RARB: variants seen among roughly 807,000 people sequenced by gnomAD.
The protein encoded by RARB is retinoic acid receptor beta, also known as HBV-activated protein.
RARB carries 17 observed loss-of-function variants against 51.9 expected under a neutral mutation model. The ratio of observed to expected loss-of-function variants is 0.33; its 90% CI spans 0.22 to 0.49. RARB has a LOEUF of 0.49. Among genes scored for constraint, RARB ranks in the 20% least tolerant of loss-of-function variants. The pLI is 0.99. For synonymous variants in RARB, 215 were observed against 195.4 expected (o/e 1.10, Z -0.84); for missense variants, 369 against 550.8 (o/e 0.67, Z 3.30).
chr3:25,192,455 T>G (rs1701127028), intron 5 of RARB, among the ~76,000 whole-genome samples: 1 of 152,126 alleles, frequency 6.6e-6, no homozygotes, highest in African/African-American at 2.4e-5. Flanking sequence ...ACACTATAAG[T>G]GAACTTTTAA....
At chr3:25,172,799 G>C (rs1436254) in intron 4 of RARB, among the ~76,000 whole-genome samples, 2,087 of 152,198 alleles carry the variant, frequency 0.014, 47 homozygotes, top group African/African-American at 0.048. Context: ...TATTTACCTA[G>C]TGTTTACTAT....
chr3:25,001,697 G>T (rs1388007182), intron 2 of RARB, among the ~76,000 whole-genome samples: 1 of 152,162 alleles, frequency 6.6e-6, no homozygotes, highest in East Asian at 1.9e-4. Flanking sequence ...GCGAAATGTT[G>T]ATAAATATTG....
intron 2 of RARB, among the ~76,000 whole-genome samples, chr3:24,902,407 T>C (rs1703627039): frequency 6.6e-6 from 1 of 151,960 alleles, no homozygotes; most frequent in Non-Finnish European, 1.5e-5. Context: ...ACCAGGTTTT[T>C]TTTTCCCACT....
At chr3:25,002,183 T>G (rs1697175333) in intron 2 of RARB, among the ~76,000 whole-genome samples, 1 of 152,116 alleles carries the variant, frequency 6.6e-6, no homozygotes. Context: ...CACTTAACAT[T>G]TATTGGGCAC....
At chr3:25,019,532 G>T (rs1425346437) in intron 2 of RARB, among the ~76,000 whole-genome samples, 1 of 151,824 alleles carries the variant, frequency 6.6e-6, no homozygotes, top group Non-Finnish European at 1.5e-5. Flanking sequence ...ATTCTTTGTA[G>T]CTCAAGGTTC....
intron 4 of RARB, among the ~76,000 whole-genome samples, chr3:25,165,570 G>A (rs1700548614): frequency 6.6e-6 from 1 of 152,104 alleles, no homozygotes. Flanking sequence ...CTTGGCTTGG[G>A]AGGATTCCAT....
intron 5 of RARB, among the ~76,000 whole-genome samples, chr3:25,215,467 T>A (rs920173537): frequency 5.3e-5 from 8 of 152,184 alleles, no homozygotes; most frequent in Admixed American, 2.6e-4. Context: ...ATTCACATAG[T>A]TGTGAATATG....
chr3:24,906,887 C>T (rs1024110143), intron 2 of RARB, among the ~76,000 whole-genome samples: 2 of 144,614 alleles, frequency 1.4e-5, no homozygotes, highest in Admixed American at 1.4e-4. Flanking sequence ...CCCCACTAAT[C>T]ATATGAGTCA....
At chr3:25,589,819 A>G (rs1359916863) in intron 5 of RARB, among the ~76,000 whole-genome samples, 1 of 152,160 alleles carries the variant, frequency 6.6e-6, no homozygotes, top group Non-Finnish European at 1.5e-5. Flanking sequence ...GGCCTAGGCT[A>G]TTTTTACCCA....
intron 5 of RARB, among the ~76,000 whole-genome samples, chr3:25,341,868 C>A (rs1705238298): frequency 6.6e-6 from 1 of 152,036 alleles, no homozygotes; most frequent in African/African-American, 2.4e-5. Context: ...TTTCCTGACA[C>A]ACCTCAAACT....
intron 5 of RARB, among the ~76,000 whole-genome samples, chr3:25,342,806 C>G (rs372218531): frequency 2.6e-5 from 4 of 152,090 alleles, no homozygotes; most frequent in African/African-American, 9.7e-5. Flanking sequence ...GTAGGTAGCA[C>G]AGCTTGGCCT....
rs1279890116 is a variant in RARB, at chr3:25,428,304, G to A, written c.-428G>A. ...GAAGTGAGCTGTTCAGAGGCAGGAG[G>A]GTCTATTCTTTGCCAAAGGGGGGAC... On this transcript the variant is annotated 5_prime_UTR_variant, in exon 1 of 8. Transcript: ENST00000330688. 3 of 1,245,662 alleles carry A rather than the reference G, an allele frequency of 2.4e-6. No homozygotes were observed. The highest frequency in any genetic ancestry group is 3.1e-5 in the East Asian group (1 of 32,456). 77.2% of individuals were successfully genotyped at this position (1,245,662 alleles called of 1,614,324 possible). A position where few individuals can be genotyped will look rare whatever the true frequency, so the allele number is the denominator to read the frequency against.
At chr3:24,876,045 A>G (rs1006646360) in intron 2 of RARB, among the ~76,000 whole-genome samples, 2 of 152,098 alleles carry the variant, frequency 1.3e-5, no homozygotes, top group African/African-American at 2.4e-5. Context: ...GGTTGAGGTT[A>G]TATATTTTTA....
chr3:25,199,170 T>C (rs1376929388), intron 5 of RARB, among the ~76,000 whole-genome samples: 2 of 151,950 alleles, frequency 1.3e-5, no homozygotes, highest in Non-Finnish European at 2.9e-5. Context: ...TGGAGGACAT[T>C]ATGTTAAGTG....
Position 25,002,758 on chromosome 3 carries a change from G to GTA in RARB, c.-379-57366_-379-57365insAT, listed in dbSNP as rs57131226. The stretch of plus-strand genomic sequence containing the variant: ...TATAAAAGACATATTCTGTGTGTGT[G>GTA]TGTATATATATATATATGAATTTGG... On this transcript the variant is annotated intron_variant, in intron 2 of 11. Transcript: ENST00000383772. Among the ~76,000 whole-genome samples the GTA allele has an allele frequency of 0.012, 1,478 of 125,202 alleles. 44 individuals are homozygous for GTA. In the East Asian group the frequency reaches 0.14, roughly 12 times the overall value. 82.1% of individuals were successfully genotyped at this position (125,202 alleles called of 152,430 possible).
chr3:24,871,467 C>T (rs1188363378), intron 2 of RARB, among the ~76,000 whole-genome samples: 1 of 152,140 alleles, frequency 6.6e-6, no homozygotes, highest in Non-Finnish European at 1.5e-5. Context: ...TTCCTCTTCT[C>T]AGTGATTGCT....
chr3:24,853,878 C>T, intron 1 of RARB, among the ~76,000 whole-genome samples: 1 of 152,104 alleles, frequency 6.6e-6, no homozygotes, highest in East Asian at 1.9e-4. Flanking sequence ...TGGAAGATAC[C>T]ATCTTAAAGT....
intron 2 of RARB, among the ~76,000 whole-genome samples, chr3:24,889,929 A>G (rs1015527963): frequency 2.0e-5 from 3 of 151,896 alleles, no homozygotes; most frequent in Admixed American, 6.6e-5. Flanking sequence ...AAAAAGAAAA[A>G]GACTCAAAAG....
At chr3:24,958,876 A>C (rs1316813454) in intron 2 of RARB, among the ~76,000 whole-genome samples, 2 of 151,992 alleles carry the variant, frequency 1.3e-5, no homozygotes, top group Non-Finnish European at 2.9e-5. Context: ...ATTTTCCCTG[A>C]CTCCTTCATG....
Sources: allele counts gnomAD v4.1 joint callset (sites outside exome capture counted in the v4.1 genomes callset), GRCh38; gene constraint gnomAD v4.1.1; transcripts MANE v1.5; gene names NCBI Gene and HGNC (gene_info 2026-07-23, HGNC 2026-07-21).